C4orf51: variants seen among roughly 807,000 people sequenced by gnomAD.
The protein encoded by C4orf51 is uncharacterized protein C4orf51.
C4orf51 carries 25 observed loss-of-function variants against 25.2 expected under a neutral mutation model. That is an observed-to-expected ratio of 0.99 (90% CI 0.72 to 1.39). C4orf51 has a LOEUF of 1.39. Ranked by LOEUF, C4orf51 falls within the 40% of genes most tolerant of loss-of-function variation. C4orf51 has a pLI of 0.00. For missense variants in C4orf51, 252 were observed against 239.6 expected (o/e 1.05, Z -0.34); for synonymous variants, 100 against 84.5 (o/e 1.18, Z -1.01).
downstream of C4orf51, among the ~76,000 whole-genome samples, chr4:145,773,429 C>T (rs1046103922): frequency 1.3e-5 from 2 of 152,210 alleles, no homozygotes; most frequent in African/African-American, 2.4e-5. Context: ...CTGTGTACAT[C>T]GTCAGCACAA....
downstream of C4orf51, among the ~76,000 whole-genome samples, chr4:145,754,976 C>G (rs985219671): frequency 2.0e-5 from 3 of 152,086 alleles, no homozygotes; most frequent in Non-Finnish European, 4.4e-5. Context: ...GATCTCCCAA[C>G]CTTTGAAGTG....
intron 2 of C4orf51, among the ~76,000 whole-genome samples, chr4:145,699,237 G>A (rs374990019): frequency 1.4e-5 from 2 of 145,536 alleles, no homozygotes; most frequent in African/African-American, 2.6e-5. Flanking sequence ...CTCACACAAA[G>A]CCTGTTTGGT....
At chr4:145,784,164 A>G in the C4orf51 span, among the ~76,000 whole-genome samples, 1 of 152,156 alleles carries the variant, frequency 6.6e-6, no homozygotes, top group Admixed American at 6.5e-5. Flanking sequence ...TGTACAGCCT[A>G]TGGAACTGTG....
chr4:145,772,454 G>A (rs1334153134), downstream of C4orf51, among the ~76,000 whole-genome samples: 1 of 152,162 alleles, frequency 6.6e-6, no homozygotes, highest in Non-Finnish European at 1.5e-5. Flanking sequence ...CCCTTGCTGT[G>A]AGACCATTAG....
chr4:145,777,934 A>G, the C4orf51 span, among the ~76,000 whole-genome samples: 1 of 152,148 alleles, frequency 6.6e-6, no homozygotes, highest in African/African-American at 2.4e-5. Flanking sequence ...ATTAGGCAGG[A>G]CATTTTATTG....
In C4orf51 at chr4:145,762,698, G is replaced by T. The variant is rs551482525; in HGVS notation, n.167-8290G>T. The stretch of plus-strand genomic sequence containing the variant: ...GGCTACGCTACCACCAACCCTCCTG[G>T]CTGTCCAGAGGGGCCACGAGGAGTG... On this transcript the variant is annotated intron_variant and non_coding_transcript_variant, in intron 1 of 1. Transcript: ENST00000510096. This position sits in a 1 kb window ranked among gnomAD's most constrained non-coding sequence, Gnocchi z 4.9. Among the ~76,000 whole-genome samples the T allele has an allele frequency of 1.3e-5, 2 of 152,298 alleles. No homozygotes were observed. The highest frequency in any genetic ancestry group is 4.8e-5 in the African/African-American group (2 of 41,570).
chr4:145,757,637 CTTTT>C (rs796227889), downstream of C4orf51: 1 of 143,192 alleles, frequency 7.0e-6, no homozygotes, highest in South Asian at 2.2e-4. Context: ...TATAGCCAAC[CTTTT>C]TTTTTTTTTA....
Position 145,730,023 on chromosome 4 carries a change from G to A in C4orf51, c.501+58G>A, listed in dbSNP as rs1028353561. On this transcript the variant is annotated intron_variant, in intron 5 of 5. Transcript: ENST00000438731. ...GATCTGTGGGGTAGTCAGGAAGCGG[G>A]GTTCTGAGTGTCTCTACATGGCAGC... The A allele has an allele frequency of 1.5e-5, 22 of 1,427,460 alleles. No individual in the cohort carries two copies. In the African/African-American group the frequency reaches 2.7e-4, roughly 17 times the overall value. 88.4% of individuals were successfully genotyped at this position (1,427,460 alleles called of 1,614,324 possible).
intron 2 of C4orf51, among the ~76,000 whole-genome samples, chr4:145,711,788 G>T (rs112712389): frequency 6.6e-6 from 1 of 152,070 alleles, no homozygotes; most frequent in East Asian, 1.9e-4. Flanking sequence ...CTTGCTTAAG[G>T]TACAGAAACA....
At chr4:145,748,362 G>A (rs570350285) in intron 1 of C4orf51, among the ~76,000 whole-genome samples, 1 of 151,882 alleles carries the variant, frequency 6.6e-6, no homozygotes, top group East Asian at 1.9e-4. Context: ...TTGATCTTTT[G>A]TATTGTTTTC....
chr4:145,707,229 G>A (rs185774192), intron 2 of C4orf51, among the ~76,000 whole-genome samples: 7 of 152,278 alleles, frequency 4.6e-5, no homozygotes, highest in Admixed American at 1.3e-4. Context: ...GTGAGCCACC[G>A]CGCCAGGCCC....
At chr4:145,728,918 TC>T (rs1474364452) in intron 3 of C4orf51, among the ~76,000 whole-genome samples, 4 of 152,028 alleles carry the variant, frequency 2.6e-5, no homozygotes, top group African/African-American at 9.7e-5. Flanking sequence ...TTTTTCTTTT[TC>T]TTTTTTTTTT....
At chr4:145,706,522 G>A (rs762902353) in intron 2 of C4orf51, among the ~76,000 whole-genome samples, 11 of 152,172 alleles carry the variant, frequency 7.2e-5, no homozygotes, top group Non-Finnish European at 1.0e-4. Context: ...GCAGTTTTCC[G>A]AAGGAGCTTT....
At chr4:145,791,219 G>T in the C4orf51 span, among the ~76,000 whole-genome samples, 1 of 152,202 alleles carries the variant, frequency 6.6e-6, no homozygotes, top group Middle Eastern at 3.2e-3. Flanking sequence ...GGGAGGCCCT[G>T]CTTCCTCACA....
At chr4:145,787,925 C>G in the C4orf51 span, among the ~76,000 whole-genome samples, 1,721 of 152,226 alleles carry the variant, frequency 0.011, 39 homozygotes, top group African/African-American at 0.04. Context: ...CATCCTGCCC[C>G]AAACCCAAGA....
chr4:145,792,172 C>T, the C4orf51 span, among the ~76,000 whole-genome samples: 1 of 152,154 alleles, frequency 6.6e-6, no homozygotes, highest in African/African-American at 2.4e-5. Flanking sequence ...GTGGCAAGTG[C>T]TGCTGCATTT....
intron 1 of C4orf51, among the ~76,000 whole-genome samples, chr4:145,681,128 G>C (rs1460596269): frequency 6.6e-6 from 1 of 152,168 alleles, no homozygotes; most frequent in African/African-American, 2.4e-5. Flanking sequence ...CTGTCAAGGA[G>C]CTGCAAGGAG....
At chr4:145,715,297 C>T (rs561882815) in intron 2 of C4orf51, among the ~76,000 whole-genome samples, 1 of 152,226 alleles carries the variant, frequency 6.6e-6, no homozygotes, top group Non-Finnish European at 1.5e-5. Context: ...CTTTGCCTCT[C>T]TTCCCTGTTT....
intron 2 of C4orf51, 114 bp downstream of exon 2, chr4:145,696,746 T>C (rs1730088509): frequency 5.0e-6 from 4 of 802,634 alleles, no homozygotes; most frequent in Non-Finnish European, 8.0e-6. Flanking sequence ...CAAATAAAAA[T>C]TGTAGGCCGG....
Sources: allele counts gnomAD v4.1 joint callset (sites outside exome capture counted in the v4.1 genomes callset), GRCh38; gene constraint gnomAD v4.1.1; non-coding constraint Gnocchi (gnomAD v3.1); transcripts MANE v1.5; gene names NCBI Gene and HGNC (gene_info 2026-07-23, HGNC 2026-07-21).